The following ZNF556 variants were observed in gnomAD, a reference collection of about 807,000 sequenced individuals.
ZNF556 encodes the protein zinc finger protein 556.
ZNF556 carries 11 observed loss-of-function variants against 13.6 expected under a neutral mutation model. That is an observed-to-expected ratio of 0.81 (90% confidence interval 0.51 to 1.33). The LOEUF is 1.33. ZNF556 is among the 40% of genes most tolerant of loss of function. ZNF556 has a pLI of 0.00. For missense variants in ZNF556, 633 were observed against 566.2 expected, an observed-to-expected ratio of 1.12 and a Z score of -1.20; for synonymous variants, 229 against 207.8, an observed-to-expected ratio of 1.10 and a Z score of -0.88.
chr19:2,878,527 T>G lies in ZNF556; in HGVS notation c.*198T>G. On this transcript the variant is annotated 3_prime_UTR_variant, in exon 4 of 4. Transcript: ENST00000307635. Reference sequence around the variant, plus strand: ...CTAAAAAAAAAAAAAATACAAAAAATTAGCCGGGCGTGGTGGCGGGCACCT... The same window carrying G: ...CTAAAAAAAAAAAAAATACAAAAAAGTAGCCGGGCGTGGTGGCGGGCACCT... 1 of 459,592 alleles carries G rather than the reference T, an allele frequency of 2.2e-6. No individual in the cohort carries two copies. Among genetic ancestry groups the G allele is most frequent in the Non-Finnish European group, 3.8e-6 (1 of 263,238 alleles). The allele number at this position is 459,592 out of a possible 1,614,324, so 28.5% of individuals were successfully genotyped here.
At chr19:2,869,216 A>G (rs1156396974) in intron 1 of ZNF556, among the ~76,000 whole-genome samples, 2 of 152,176 alleles carry the variant, frequency 1.3e-5, no homozygotes, top group East Asian at 1.9e-4. Flanking sequence ...TCTCCCCAAG[A>G]GCCTGGTCCA....
intron 1 of ZNF556, among the ~76,000 whole-genome samples, chr19:2,868,675 C>T (rs1431462716): frequency 6.6e-6 from 1 of 150,840 alleles, no homozygotes; most frequent in African/African-American, 2.4e-5. Context: ...CCTTGGCCTC[C>T]CAGAATGCTT....
rs758521080 is a variant in ZNF556, at chr19:2,877,898, C to A, written c.940C>A (p.Pro314Thr). 1.2e-6 allele frequency: 2 copies of A among 1,614,184 alleles called. No homozygotes were observed. Among genetic ancestry groups the A allele is most frequent in the Admixed American group, 1.7e-5 (1 of 60,024 alleles). ...CGTGAGAATTCACAACGGGGAGAAACCCTATAAGTGTGGAAAATGCGGGAA... is the reference window on the plus strand; with the variant it reads ...CGTGAGAATTCACAACGGGGAGAAAACCTATAAGTGTGGAAAATGCGGGAA... ...RHVRIHNGEK[P>T]YKCGKCGKAF... is the part of the protein sequence containing the mutation. Residue 314 changes from proline to threonine, a missense_variant, in exon 4 of 4, where the codon CCC becomes ACC. Coordinates refer to ENST00000307635, the MANE Select transcript of ZNF556 (RefSeq NM_024967.3).
In ZNF556 at chr19:2,877,576, A is replaced by G. The variant is rs1320247441; in HGVS notation, c.618A>G (p.Gln206=). 6.2e-7 allele frequency: 1 copy of G among 1,614,038 alleles called. No individual in the cohort carries two copies. Among genetic ancestry groups the G allele is most frequent in the East Asian group, 2.2e-5 (1 of 44,884 alleles). ...GTGGAGAGAAACCCTATGCCTGTCA[A>G]TCTTGCGGGAAGACATTTCTTCGTT... ...THSGEKPYAC[Q]SCGKTFLRSH... Residue 206 remains glutamine (Q), a synonymous_variant, in exon 4 of 4, where the codon CAA becomes CAG. Coordinates refer to ENST00000307635, the MANE Select transcript of ZNF556 (RefSeq NM_024967.3).
intron 1 of ZNF556, among the ~76,000 whole-genome samples, chr19:2,869,143 A>G (rs1337991803): frequency 1.3e-5 from 2 of 152,106 alleles, no homozygotes; most frequent in African/African-American, 4.8e-5. Flanking sequence ...CCCTAAAGAC[A>G]TTATTACATG....
At chr19:2,869,777 T>C (rs960677987) in intron 1 of ZNF556, among the ~76,000 whole-genome samples, 1 of 152,214 alleles carries the variant, frequency 6.6e-6, no homozygotes, top group African/African-American at 2.4e-5. Context: ...TCCCGGTGTC[T>C]GTATGTGTCC....
chr19:2,878,536 C>T lies in ZNF556; in HGVS notation c.*207C>T, dbSNP rs957014685. 1.9e-4 allele frequency: 81 copies of T among 424,540 alleles called. No individual in the cohort carries two copies. Among genetic ancestry groups the T allele is most frequent in the African/African-American group, 3.7e-4 (18 of 48,720 alleles). The allele number at this position is 424,540 out of a possible 1,614,324, so 26.3% of individuals were successfully genotyped here. ...AAAAAAATACAAAAAATTAGCCGGGCGTGGTGGCGGGCACCTGTAGTCCCA... is the reference window on the plus strand; with the variant it reads ...AAAAAAATACAAAAAATTAGCCGGGTGTGGTGGCGGGCACCTGTAGTCCCA... On this transcript the variant is annotated 3_prime_UTR_variant, in exon 4 of 4. Transcript: ENST00000307635.
chr19:2,871,934 CAG>C (rs1335727986), intron 1 of ZNF556, among the ~76,000 whole-genome samples: 1 of 152,196 alleles, frequency 6.6e-6, no homozygotes, highest in Non-Finnish European at 1.5e-5. Context: ...GTCCACTGGA[CAG>C]GGGGCCCTTC....
intron 1 of ZNF556, among the ~76,000 whole-genome samples, chr19:2,870,482 C>T (rs949195264): frequency 6.6e-6 from 1 of 151,642 alleles, no homozygotes; most frequent in African/African-American, 2.4e-5. Context: ...CACGATGGCT[C>T]ACGCCTGTAA....
chr19:2,867,618 C>G (rs547232379), intron 1 of ZNF556, among the ~76,000 whole-genome samples, 194 bp downstream of exon 1: 1 of 149,956 alleles, frequency 6.7e-6, no homozygotes, highest in African/African-American at 2.4e-5. Context: ...TCGTAGTTGT[C>G]AGGACGCTGG....
In ZNF556 at chr19:2,877,495, A is replaced by G. The variant is rs2087863813; in HGVS notation, c.537A>G (p.Glu179=). Residue 179 remains glutamate, a synonymous_variant, in exon 4 of 4, where the codon GAA becomes GAG. Transcript: ENST00000307635. The stretch of plus-strand genomic sequence containing the variant: ...GACAAAAATTATATAAATGTAAGGA[A>G]TGTGGGAAAGCCTTCAGTCGCCCTT... The part of the protein sequence containing the change: ...HSGQKLYKCK[E]CGKAFSRPSY... 1 of 1,614,232 alleles carries G rather than the reference A, an allele frequency of 6.2e-7. No individual in the cohort carries two copies. The highest frequency in any genetic ancestry group is 8.5e-7 in the Non-Finnish European group (1 of 1,180,050).
chr19:2,868,498 C>T (rs141050858), intron 1 of ZNF556, among the ~76,000 whole-genome samples: 4,318 of 151,868 alleles, frequency 0.028, 187 homozygotes, highest in African/African-American at 0.1. Context: ...CTGCAACCTC[C>T]GCCTCCTGAG....
intron 1 of ZNF556, among the ~76,000 whole-genome samples, chr19:2,868,750 G>A (rs1246058287): frequency 1.4e-5 from 2 of 139,472 alleles, no homozygotes; most frequent in Non-Finnish European, 3.0e-5. Flanking sequence ...ATGGAGCCTC[G>A]CTCTGTCACC....
intron 1 of ZNF556, among the ~76,000 whole-genome samples, chr19:2,872,177 CTGAT>C (rs371182574): frequency 0.01 from 1,545 of 152,114 alleles, 9 homozygotes; most frequent in Non-Finnish European, 0.018. Flanking sequence ...GCGGGCCTGA[CTGAT>C]GTCAGGCCCT....
rs1268912880 is a variant in ZNF556 at position 2,876,402 on chromosome 19, C to G, written c.314+126C>G. The G allele has an allele frequency of 5.4e-6, 5 of 927,628 alleles. No individual in the cohort carries two copies. In the African/African-American group the frequency reaches 8.7e-5, roughly 16 times the overall value. The allele number at this position is 927,628 out of a possible 1,614,324, so 57.5% of individuals were successfully genotyped here. ...GTGAGGAGTTTGTGACCAGCCTGAC[C>G]CATATGGTGAAACCTTGTCTCTACT... On this transcript the variant is annotated intron_variant, in intron 3 of 3. Coordinates refer to ENST00000307635, the MANE Select transcript of ZNF556 (RefSeq NM_024967.3).
intron 1 of ZNF556, among the ~76,000 whole-genome samples, chr19:2,870,060 C>G (rs1293039545): frequency 1.3e-5 from 2 of 152,150 alleles, no homozygotes; most frequent in Non-Finnish European, 1.5e-5. Flanking sequence ...TTTCTCCTTT[C>G]TATATTTTTT....
At chr19:2,871,776 G>C (rs568214377) in intron 1 of ZNF556, among the ~76,000 whole-genome samples, 20 of 152,296 alleles carry the variant, frequency 1.3e-4, no homozygotes, top group African/African-American at 4.1e-4. Flanking sequence ...AAGACAGCTG[G>C]GCCCGGGGGA....
rs1451602812 is a variant in ZNF556, at chr19:2,867,369, C to T, written c.-53C>T. On this transcript the variant is annotated 5_prime_UTR_variant, in exon 1 of 4. Coordinates refer to ENST00000307635, the MANE Select transcript of ZNF556 (RefSeq NM_024967.3). Reference sequence around the variant, plus strand: ...CAGGTGTCCCCGTCGTGCTCACCTGCACCGGCTGCGAGGAGCAGGGAGCTC... The same window carrying T: ...CAGGTGTCCCCGTCGTGCTCACCTGTACCGGCTGCGAGGAGCAGGGAGCTC... 1.3e-6 allele frequency: 2 copies of T among 1,566,578 alleles called. No individual in the cohort carries two copies. The highest frequency in any genetic ancestry group is 2.7e-5 in the African/African-American group (2 of 74,406).
At chr19:2,867,930 C>CCT (rs2144878230) in intron 1 of ZNF556, among the ~76,000 whole-genome samples, 1 of 152,264 alleles carries the variant, frequency 6.6e-6, no homozygotes, top group East Asian at 1.9e-4. Flanking sequence ...CCTGCCTGGG[C>CCT]CTCTCTCCTT....
Sources: allele counts gnomAD v4.1 joint callset (sites outside exome capture counted in the v4.1 genomes callset), GRCh38; gene constraint gnomAD v4.1.1; transcripts MANE v1.5; gene names NCBI Gene and HGNC (gene_info 2026-07-23, HGNC 2026-07-21).